Variants in ZZZ3 observed in about 807,000 individuals in gnomAD.
ZZZ3 encodes zinc finger ZZ-type containing 3.
In ZZZ3, 22 loss-of-function variants were observed where a neutral mutation model predicts 95.2. The ratio of observed to expected loss-of-function variants is 0.23; its 90% CI spans 0.17 to 0.33. The LOEUF (loss-of-function observed/expected upper bound fraction) is 0.33. Among genes scored for constraint, ZZZ3 ranks in the 10% least tolerant of loss-of-function variants. The pLI is 1.00. For missense variants in ZZZ3, 885 were observed against 1,066.5 expected (o/e 0.83, Z 2.37); for synonymous variants, 335 against 358.9 (o/e 0.93, Z 0.75).
intron 5 of ZZZ3, among the ~76,000 whole-genome samples, chr1:77,625,749 G>A (rs1219700839): frequency 2.0e-4 from 31 of 151,974 alleles, no homozygotes. Flanking sequence ...CAGCACTTTG[G>A]GAGGCTGAGG....
At chr1:77,607,739 T>C (rs1348007552) in intron 5 of ZZZ3, among the ~76,000 whole-genome samples, 4 of 152,022 alleles carry the variant, frequency 2.6e-5, no homozygotes, top group Non-Finnish European at 4.4e-5. Context: ...CTGGCGAACA[T>C]GGTGAAACCT....
chr1:77,654,280 A>C (rs1043596604), intron 1 of ZZZ3, among the ~76,000 whole-genome samples: 3 of 152,030 alleles, frequency 2.0e-5, no homozygotes, highest in Non-Finnish European at 4.4e-5. Context: ...AATTTTAACT[A>C]TGCCACTTGA....
intron 1 of ZZZ3, among the ~76,000 whole-genome samples, chr1:77,659,531 A>T (rs1159921766): frequency 2.0e-5 from 3 of 151,794 alleles, no homozygotes; most frequent in Non-Finnish European, 4.4e-5. Context: ...TATTAAAAAT[A>T]CAAAAATTAG....
At chr1:77,668,598 T>C (rs1371469141) in intron 1 of ZZZ3, among the ~76,000 whole-genome samples, 1 of 150,328 alleles carries the variant, frequency 6.7e-6, no homozygotes, top group Non-Finnish European at 1.5e-5. Context: ...AGAGCTCATA[T>C]GATCGCACCA....
chr1:77,681,927 AAC>A (rs1049708406), intron 1 of ZZZ3, among the ~76,000 whole-genome samples: 6 of 151,878 alleles, frequency 4.0e-5, no homozygotes, highest in African/African-American at 7.3e-5. Context: ...AATCACATGA[AAC>A]AGTCTGTTAC....
chr1:77,577,782 G>A (rs765847954), intron 11 of ZZZ3, among the ~76,000 whole-genome samples: 4 of 152,100 alleles, frequency 2.6e-5, no homozygotes, highest in African/African-American at 7.2e-5. Flanking sequence ...CACCACACCC[G>A]GCTAATTTTT....
At chr1:77,606,148 T>TGA (rs1665211477) in intron 5 of ZZZ3, among the ~76,000 whole-genome samples, 4 of 152,142 alleles carry the variant, frequency 2.6e-5, no homozygotes, top group Admixed American at 2.6e-4. Context: ...CAGCATTGAC[T>TGA]ACAAGTTGAC....
In ZZZ3 at chr1:77,576,108, C is replaced by T. The variant is rs766559230; in HGVS notation, c.2291G>A (p.Cys764Tyr). 1 of 1,612,194 alleles carries T rather than the reference C, an allele frequency of 6.2e-7. No homozygotes were observed. Among genetic ancestry groups the T allele is most frequent in the South Asian group, 1.1e-5 (1 of 90,588 alleles). ...VYMDEDDDRS[C>Y]FHSHMNTAVE... The stretch of plus-strand genomic sequence containing the variant: ...AGCAGTGTTCATGTGGCTATGAAAA[C>T]AAGATCGGTCATCATCTTCATCCAT... Residue 764 changes from cysteine (C) to tyrosine (Y), a missense_variant, in exon 12 of 15, where the codon TGT becomes TAT. Around this residue, in one of 5 missense-constraint regions of ZZZ3, gnomAD observed 221 missense variants for 247.8 expected, o/e 0.89. Coordinates refer to ENST00000370801, the MANE Select transcript of ZZZ3 (RefSeq NM_015534.6).
intron 5 of ZZZ3, among the ~76,000 whole-genome samples, chr1:77,605,544 T>C (rs1665148089): frequency 6.6e-6 from 1 of 152,178 alleles, no homozygotes; most frequent in South Asian, 2.1e-4. Flanking sequence ...TGCACCACCC[T>C]TCCCCTAACC....
intron 1 of ZZZ3, among the ~76,000 whole-genome samples, chr1:77,654,051 G>T (rs754109961): frequency 6.6e-6 from 1 of 151,234 alleles, no homozygotes; most frequent in Non-Finnish European, 1.5e-5. Flanking sequence ...AGCCAGGTGT[G>T]GTAGCAGGCG....
chr1:77,644,682 A>G (rs914645803), intron 1 of ZZZ3, among the ~76,000 whole-genome samples: 1 of 152,170 alleles, frequency 6.6e-6, no homozygotes, highest in Non-Finnish European at 1.5e-5. Flanking sequence ...ATACCTGCCT[A>G]CTACCTCTCA....
chr1:77,630,014 A>G (rs1667653397), intron 5 of ZZZ3, among the ~76,000 whole-genome samples: 1 of 152,176 alleles, frequency 6.6e-6, no homozygotes, highest in South Asian at 2.1e-4. Context: ...GAATTACTAG[A>G]AAAAAAATTT....
chr1:77,636,657 T>G (rs1420592610), intron 4 of ZZZ3, among the ~76,000 whole-genome samples: 8 of 138,726 alleles, frequency 5.8e-5, no homozygotes, highest in African/African-American at 1.9e-4. Flanking sequence ...AAGGGTGTAG[T>G]GATGTGACTG....
At chr1:77,580,932 T>C in intron 9 of ZZZ3, 66 bp downstream of exon 9, 1 of 1,392,040 alleles carries the variant, frequency 7.2e-7, no homozygotes, top group Admixed American at 1.7e-5. Context: ...GGCCTCATAA[T>C]ACTGACTCTG....
rs763029503 is a variant in ZZZ3, at chr1:77,578,909, C to T, written c.2083-40G>A. ...CAAGTCTCTTAACACAATGAGATGACATACAATACCTGAGTCGTTTTTAAA... is the reference window on the plus strand; with the variant it reads ...CAAGTCTCTTAACACAATGAGATGATATACAATACCTGAGTCGTTTTTAAA... On this transcript the variant is annotated intron_variant, in intron 10 of 14. Transcript: ENST00000370801. The T allele has an allele frequency of 9.2e-6, 12 of 1,301,596 alleles. No homozygotes were observed. The East Asian group carries it at 3.1e-4, about 34-fold the overall frequency. The allele number at this position is 1,301,596 out of a possible 1,614,324, so 80.6% of individuals were successfully genotyped here. A position where few individuals can be genotyped will look rare whatever the true frequency, so the allele number is the denominator to read the frequency against.
At chr1:77,582,664 T>A (rs1243329580) in intron 6 of ZZZ3, among the ~76,000 whole-genome samples, 1 of 86,138 alleles carries the variant, frequency 1.2e-5, no homozygotes, top group Non-Finnish European at 2.8e-5. Flanking sequence ...TCATGGTAAT[T>A]TTTTTCTTTT....
chr1:77,633,313 C>T lies in ZZZ3; in HGVS notation c.42G>A (p.Val14=). The change falls in exon 5 of 15, where the codon GTG becomes GTA. Residue 14 remains valine, a synonymous_variant. Coordinates refer to ENST00000370801, the MANE Select transcript of ZZZ3 (RefSeq NM_015534.6). The part of the protein sequence containing the change: ...SRSTRVTRST[V]GLNGLDESFC... ...AAGATTCATCCAAGCCGTTTAACCC[C>T]ACTGTTGATCTTGTAACACGAGTAG... 6.2e-7 allele frequency: 1 copy of T among 1,613,048 alleles called. No homozygotes were observed. Among genetic ancestry groups the T allele is most frequent in the African/African-American group, 1.3e-5 (1 of 75,006 alleles).
intron 5 of ZZZ3, among the ~76,000 whole-genome samples, chr1:77,589,958 T>G (rs1663512435): frequency 6.6e-6 from 1 of 152,196 alleles, no homozygotes; most frequent in Non-Finnish European, 1.5e-5. Flanking sequence ...ACCCTTAAGA[T>G]TCCATGGGCA....
At chr1:77,650,437 A>T (rs1669696344) in intron 1 of ZZZ3, among the ~76,000 whole-genome samples, 1 of 152,220 alleles carries the variant, frequency 6.6e-6, no homozygotes, top group Non-Finnish European at 1.5e-5. Flanking sequence ...AAATTAAATC[A>T]GAAATCAGTG....
Sources: allele counts gnomAD v4.1 joint callset (sites outside exome capture counted in the v4.1 genomes callset), GRCh38; gene constraint gnomAD v4.1.1; regional missense constraint gnomAD v4.1.1; transcripts MANE v1.5; gene names NCBI Gene and HGNC (gene_info 2026-07-23, HGNC 2026-07-21).